The following SYT1 variants were observed in gnomAD, a reference collection of about 807,000 sequenced individuals.
SYT1 encodes the protein synaptotagmin-1.
A neutral mutation model predicts 44.8 loss-of-function variants in SYT1; 8 were observed. The ratio of observed to expected loss-of-function variants is 0.18; its 90% CI spans 0.10 to 0.32. SYT1 has a LOEUF of 0.32. Among genes scored for constraint, SYT1 ranks in the 10% least tolerant of loss-of-function variants. The pLI, the probability that SYT1 is intolerant of heterozygous loss-of-function variation, is 1.00. For missense variants in SYT1, 286 were observed against 509.3 expected, an observed-to-expected ratio of 0.56 and a Z score of 4.22; for synonymous variants, 154 against 188.8, an observed-to-expected ratio of 0.82 and a Z score of 1.51.
At chr12:79,366,002 G>T (rs1361125557) in intron 9 of SYT1, among the ~76,000 whole-genome samples, 15 of 152,014 alleles carry the variant, frequency 9.9e-5, no homozygotes, top group Non-Finnish European at 2.9e-5. Context: ...AATACATACC[G>T]CTATGAAAGT....
chr12:79,316,322 G>A (rs1432560544), intron 8 of SYT1, among the ~76,000 whole-genome samples: 1 of 152,174 alleles, frequency 6.6e-6, no homozygotes, highest in Non-Finnish European at 1.5e-5. Context: ...TCTTCATACA[G>A]TAATATTTCA....
At chr12:78,938,610 G>A (rs1365586321) in intron 1 of SYT1, among the ~76,000 whole-genome samples, 3 of 152,096 alleles carry the variant, frequency 2.0e-5, no homozygotes, top group African/African-American at 4.8e-5. Context: ...AGCATGCCAA[G>A]CATACTAAAT....
chr12:79,339,288 A>G (rs1028108332), intron 8 of SYT1, among the ~76,000 whole-genome samples: 4 of 152,216 alleles, frequency 2.6e-5, no homozygotes, highest in Non-Finnish European at 5.9e-5. Flanking sequence ...TCCCACCAAC[A>G]GTGTAAAAGT....
At chr12:79,000,288 CTTTTTTTTTT>C (rs559894598) in intron 2 of SYT1, among the ~76,000 whole-genome samples, 1 of 112,930 alleles carries the variant, frequency 8.9e-6, no homozygotes, top group African/African-American at 3.3e-5. Flanking sequence ...TTAACTGCTT[CTTTTTTTTTT>C]TTTTTTTTTT....
intron 4 of SYT1, among the ~76,000 whole-genome samples, chr12:79,244,893 G>A (rs1371489762): frequency 6.6e-6 from 1 of 151,808 alleles, no homozygotes; most frequent in African/African-American, 2.4e-5. Context: ...TGGCAATAAT[G>A]GAATGAGAAC....
intron 8 of SYT1, among the ~76,000 whole-genome samples, chr12:79,325,495 A>G (rs988307317): frequency 1.3e-5 from 2 of 152,238 alleles, no homozygotes; most frequent in Non-Finnish European, 2.9e-5. Context: ...TAAGCTTTCA[A>G]TTGCCTTTTA....
At chr12:79,404,312 C>G (rs1191691540) in intron 9 of SYT1, among the ~76,000 whole-genome samples, 1 of 152,094 alleles carries the variant, frequency 6.6e-6, no homozygotes, top group African/African-American at 2.4e-5. Flanking sequence ...AAATGAAAAA[C>G]TATAAATAGA....
chr12:78,990,297 C>T (rs1032253585), intron 2 of SYT1, among the ~76,000 whole-genome samples: 1 of 152,098 alleles, frequency 6.6e-6, no homozygotes, highest in Non-Finnish European at 1.5e-5. Flanking sequence ...AGGCCTCTAT[C>T]CTCAAAAAGT....
intron 4 of SYT1, among the ~76,000 whole-genome samples, chr12:79,221,167 A>C (rs1875135477): frequency 6.6e-6 from 1 of 152,116 alleles, no homozygotes; most frequent in Non-Finnish European, 1.5e-5. Context: ...CATTTTTATC[A>C]TTATATAATG....
At chr12:79,187,729 A>G (rs538602623) in intron 3 of SYT1, among the ~76,000 whole-genome samples, 1 of 152,226 alleles carries the variant, frequency 6.6e-6, no homozygotes, top group Admixed American at 6.6e-5. Context: ...GAGAGGGCAG[A>G]AAAGGATTCC....
rs369091607 is a variant in SYT1 at position 79,310,369 on chromosome 12, G to C, written c.810+10818G>C. Among the ~76,000 whole-genome samples the C allele has an allele frequency of 9.5e-4, 145 of 152,142 alleles. 2 individuals are homozygous for C. The highest frequency in any genetic ancestry group is 2.7e-3 in the East Asian group (14 of 5,174). Reference sequence around the variant, plus strand: ...TCTGAGGGCTCTGTTCTGTTCCATTGATCTATATCTCTGTTTTGGTACCAG... The same window carrying C: ...TCTGAGGGCTCTGTTCTGTTCCATTCATCTATATCTCTGTTTTGGTACCAG... On this transcript the variant is annotated intron_variant, in intron 8 of 10. Transcript: ENST00000261205.
intron 9 of SYT1, among the ~76,000 whole-genome samples, chr12:79,397,506 G>C (rs980192046): frequency 6.6e-6 from 1 of 152,120 alleles, no homozygotes; most frequent in African/African-American, 2.4e-5. Context: ...GCGATTACAG[G>C]CTTGAGCTAC....
At chr12:79,026,702 T>TATATAAAA (rs34140383) in intron 2 of SYT1, among the ~76,000 whole-genome samples, 1,371 of 125,250 alleles carry the variant, frequency 0.011, 25 homozygotes, top group African/African-American at 0.038. Flanking sequence ...TATATATATA[T>TATATAAAA]CACACTTTCA....
At chr12:78,864,268 A>C (rs1873411787), upstream of SYT1, 1 of 151,426 alleles carries the variant, frequency 6.6e-6, no homozygotes. Flanking sequence ...AAAAACCCAC[A>C]GCTGGCGAAC....
At chr12:79,252,878 T>A (rs1877298593) in intron 4 of SYT1, among the ~76,000 whole-genome samples, 1 of 152,148 alleles carries the variant, frequency 6.6e-6, no homozygotes, top group Non-Finnish European at 1.5e-5. Context: ...CAGAGCTAGT[T>A]GACAGGTTGA....
intron 1 of SYT1, among the ~76,000 whole-genome samples, chr12:78,917,282 C>G (rs1468257178): frequency 6.6e-6 from 1 of 152,024 alleles, no homozygotes; most frequent in Non-Finnish European, 1.5e-5. Context: ...CTGCTCTTGG[C>G]AGTTTTTCAT....
chr12:79,043,591 C>A (rs1045925729), intron 2 of SYT1, among the ~76,000 whole-genome samples: 2 of 151,300 alleles, frequency 1.3e-5, no homozygotes, highest in African/African-American at 4.9e-5. Context: ...ATATGCCAGT[C>A]TGTGTCTTTT....
chr12:79,111,768 C>A (rs571406700), intron 3 of SYT1, among the ~76,000 whole-genome samples: 1 of 151,854 alleles, frequency 6.6e-6, no homozygotes, highest in East Asian at 1.9e-4. Context: ...CAAACTCATG[C>A]CTTTCAGTTC....
rs367590555 is a variant in SYT1 at position 79,281,446 on chromosome 12, A to C, written c.167-4341A>C. 4.6e-5 allele frequency among the ~76,000 whole-genome samples: 7 copies of C among 152,272 alleles called. 1 individual carries two copies. Among genetic ancestry groups the C allele is most frequent in the Admixed American group, 3.3e-4 (5 of 15,282 alleles). ...GTAACTCAGAAACAGAAAACCAAAAACTGCATATTCTCACTTATAAGTGAA... is the reference window on the plus strand; with the variant it reads ...GTAACTCAGAAACAGAAAACCAAAACCTGCATATTCTCACTTATAAGTGAA... On this transcript the variant is annotated intron_variant, in intron 4 of 10. Coordinates refer to ENST00000261205, the MANE Select transcript of SYT1 (RefSeq NM_005639.3).
Sources: gnomAD v4.1 joint callset for allele counts (sites outside exome capture counted in the v4.1 genomes callset) on GRCh38, gnomAD v4.1.1 for gene constraint, MANE v1.5 for transcripts, NCBI Gene and HGNC (gene_info 2026-07-23, HGNC 2026-07-21) for gene names.